The following NTM variants were observed in gnomAD, a reference collection of about 807,000 sequenced individuals.
NTM encodes the protein IgLON family member 2.
In NTM, 13 loss-of-function variants were observed where a neutral mutation model predicts 42.1. The observed-to-expected ratio is 0.31, with a 90% CI of 0.20 to 0.49. The LOEUF (loss-of-function observed/expected upper bound fraction) is 0.49, where lower values mean the gene tolerates loss of function less well. NTM is among the 20% of genes least tolerant of loss of function. The pLI, the probability that NTM is intolerant of heterozygous loss-of-function variation, is 0.99. For synonymous variants in NTM, 187 were observed against 179.2 expected (o/e 1.04, Z -0.35); for missense variants, 373 against 452.8 (o/e 0.82, Z 1.60).
At chr11:131,826,254 T>C (rs1462887912) in intron 1 of NTM, among the ~76,000 whole-genome samples, 2 of 152,070 alleles carry the variant, frequency 1.3e-5, no homozygotes, top group African/African-American at 4.8e-5. Context: ...AGTTGCCCAC[T>C]AGATTCCATG....
chr11:132,124,007 T>A (rs1357954899), intron 2 of NTM, among the ~76,000 whole-genome samples: 1 of 152,138 alleles, frequency 6.6e-6, no homozygotes, highest in African/African-American at 2.4e-5. Flanking sequence ...CGAGGCAATT[T>A]ATTAAGTTTC....
At position 132,016,058 on chromosome 11, in the gene NTM, A is replaced by T. The variant is rs533317678; in HGVS notation, c.167+104410A>T. Among the ~76,000 whole-genome samples the T allele has an allele frequency of 4.0e-5, 6 of 151,196 alleles. No homozygotes were observed. In the East Asian group the frequency reaches 1.2e-3, roughly 29 times the overall value. ...GTATGATGTTAGATGTAGGTTTGTC[A>T]TATATGGTCTTCGCTGTGTTTCTTC... On this transcript the variant is annotated intron_variant, in intron 2 of 8. Coordinates refer to ENST00000683400, the MANE Select transcript of NTM (RefSeq NM_001352005.2).
At chr11:131,997,738 C>T (rs529496401) in intron 2 of NTM, among the ~76,000 whole-genome samples, 57 of 152,206 alleles carry the variant, frequency 3.7e-4, no homozygotes, top group East Asian at 2.1e-3. Flanking sequence ...AAAGTGCTCT[C>T]GAGCCTGTGA....
chr11:131,789,492 G>A (rs11222796), intron 1 of NTM, among the ~76,000 whole-genome samples: 1,069 of 3,096 alleles, frequency 0.35, 419 homozygotes, highest in Middle Eastern at 0.62. Flanking sequence ...AAGAAGAAGA[G>A]GAAAGAAGAA....
rs532334117 is a variant in NTM, at chr11:131,401,082, CAGGAGAAGTGGAA to C, written c.82+30202_82+30214del. ...AAAATTTGAGACAAACAGAGAGAGA[CAGGAGAAGTGGAA>C]AGGAGAAAGCAAGAGATAGATCAAA... On this transcript the variant is annotated intron_variant, in intron 1 of 8. Coordinates refer to ENST00000683400, the MANE Select transcript of NTM (RefSeq NM_001352005.2). Among the ~76,000 whole-genome samples, 716 of 150,766 alleles carry C rather than the reference CAGGAGAAGTGGAA, an allele frequency of 4.7e-3. 5 individuals carry two copies. Among genetic ancestry groups the C allele is most frequent in the African/African-American group, 0.017 (679 of 41,050 alleles).
intron 2 of NTM, among the ~76,000 whole-genome samples, chr11:131,919,914 G>GT (rs549145895): frequency 2.6e-5 from 4 of 152,106 alleles, no homozygotes; most frequent in Non-Finnish European, 5.9e-5. Context: ...ATAATTGTGA[G>GT]TTTTTTTGTG....
intron 2 of NTM, among the ~76,000 whole-genome samples, chr11:132,057,033 A>G (rs576047564): frequency 6.6e-6 from 1 of 152,348 alleles, no homozygotes; most frequent in African/African-American, 2.4e-5. Context: ...CAGAAAAATG[A>G]AAGTGCTGAT....
chr11:132,191,509 A>G (rs2138267332), intron 3 of NTM, among the ~76,000 whole-genome samples: 1 of 152,358 alleles, frequency 6.6e-6, no homozygotes. Context: ...TGTAAAGAAC[A>G]TAAAAACAAA....
chr11:132,251,474 C>T (rs1278626227), intron 4 of NTM, among the ~76,000 whole-genome samples: 1 of 152,190 alleles, frequency 6.6e-6, no homozygotes, highest in Non-Finnish European at 1.5e-5. Context: ...ACCTAATCTG[C>T]AGTACCTGTT....
chr11:131,437,470 G>A (rs890492600), intron 1 of NTM, among the ~76,000 whole-genome samples: 3 of 152,186 alleles, frequency 2.0e-5, no homozygotes, highest in Admixed American at 2.0e-4. Context: ...GAGTGCTCCT[G>A]TGTTGGGTGC....
intron 2 of NTM, among the ~76,000 whole-genome samples, chr11:131,918,066 C>T (rs1000731561): frequency 7.2e-5 from 11 of 152,100 alleles, no homozygotes; most frequent in Admixed American, 6.5e-4. Flanking sequence ...GCATTGCGTT[C>T]TTGAATTTGA....
chr11:131,911,024 C>A, intron 1 of NTM: 2 of 1,029,222 alleles, frequency 1.9e-6, no homozygotes, highest in Non-Finnish European at 2.3e-6. Context: ...TGTTGGATGT[C>A]CCCCGTTCGA....
At chr11:131,707,574 G>GT (rs1399664192) in intron 1 of NTM, among the ~76,000 whole-genome samples, 4 of 151,972 alleles carry the variant, frequency 2.6e-5, no homozygotes, top group Admixed American at 6.6e-5. Flanking sequence ...CCTCAATATT[G>GT]TTTTTTATAA....
At chr11:131,918,868 C>A (rs2056814149) in intron 2 of NTM, among the ~76,000 whole-genome samples, 1 of 152,192 alleles carries the variant, frequency 6.6e-6, no homozygotes, top group African/African-American at 2.4e-5. Context: ...CCTGCAATTT[C>A]TATAGTTTGT....
intron 1 of NTM, among the ~76,000 whole-genome samples, chr11:131,826,108 C>T (rs2042098860): frequency 6.6e-6 from 1 of 152,020 alleles, no homozygotes. Flanking sequence ...AAGGAAGATG[C>T]CTACAGGAGA....
chr11:131,803,175 CTTAA>C (rs1335104504), intron 1 of NTM, among the ~76,000 whole-genome samples: 2 of 152,158 alleles, frequency 1.3e-5, no homozygotes, highest in South Asian at 2.1e-4. Context: ...CACTGACAAA[CTTAA>C]TTGAGAGGGG....
chr11:131,806,623 A>G (rs1766742381), intron 1 of NTM, among the ~76,000 whole-genome samples: 1 of 152,186 alleles, frequency 6.6e-6, no homozygotes, highest in Non-Finnish European at 1.5e-5. Context: ...AGGAGAAGGA[A>G]TTTGCCCAGT....
intron 1 of NTM, chr11:131,535,528 T>C (rs1180720505): frequency 2.0e-5 from 3 of 152,212 alleles, no homozygotes; most frequent in African/African-American, 7.2e-5. Context: ...CTTGTCAGTC[T>C]GTTAACTGCT....
chr11:131,424,487 T>G (rs1220212616), intron 1 of NTM, among the ~76,000 whole-genome samples: 2 of 152,064 alleles, frequency 1.3e-5, no homozygotes, highest in African/African-American at 4.8e-5. Flanking sequence ...TTCAGATAAA[T>G]GCCTGGAGGA....
Sources: gnomAD v4.1 joint callset for allele counts (sites outside exome capture counted in the v4.1 genomes callset) on GRCh38, gnomAD v4.1.1 for gene constraint, MANE v1.5 for transcripts, NCBI Gene and HGNC (gene_info 2026-07-23, HGNC 2026-07-21) for gene names.